Variants in ABHD2 observed in about 807,000 individuals in gnomAD.
ABHD2 encodes monoacylglycerol lipase ABHD2.
Under a neutral mutation model 48.1 loss-of-function variants are expected in ABHD2, and 20 were observed. The observed-to-expected ratio is 0.42, with a 90% CI of 0.29 to 0.60. The LOEUF is 0.60. Among genes scored for constraint, ABHD2 ranks in the 20% least tolerant of loss-of-function variants. The pLI, the probability that ABHD2 is intolerant of heterozygous loss-of-function variation, is 0.24. For missense variants in ABHD2, 405 were observed against 550.9 expected (o/e 0.74, Z 2.65); for synonymous variants, 209 against 214.2 (o/e 0.98, Z 0.21).
At chr15:89,071,853 A>G in the ABHD2 span, among the ~76,000 whole-genome samples, 1 of 152,236 alleles carries the variant, frequency 6.6e-6, no homozygotes, top group South Asian at 2.1e-4. Flanking sequence ...TCACTCCCTG[A>G]TGACAAACTT....
chr15:89,053,158 G>A, the ABHD2 span, among the ~76,000 whole-genome samples: 1 of 151,942 alleles, frequency 6.6e-6, no homozygotes, highest in Non-Finnish European at 1.5e-5. Flanking sequence ...AGTAGAGACG[G>A]GGTTTCACTG....
rs559985393 is a variant in ABHD2, at chr15:89,180,011, T to C, written c.722+4016T>C. On this transcript the variant is annotated intron_variant, in intron 6 of 10. Transcript: ENST00000352732. ...GAGATGAGTTTATGGCAAAAGCAAA[T>C]ATTATTCATAAAGTTTCCCCAGAGA... Among the ~76,000 whole-genome samples, 14 of 152,358 alleles carry C rather than the reference T, an allele frequency of 9.2e-5. No individual in the cohort carries two copies. In the South Asian group the frequency reaches 2.9e-3, roughly 32 times the overall value.
chr15:89,081,131 A>G, the ABHD2 span, among the ~76,000 whole-genome samples: 2 of 146,544 alleles, frequency 1.4e-5, 1 homozygote, highest in South Asian at 4.4e-4. Context: ...TCCCAAGTAG[A>G]TGGGACTACA....
In ABHD2 at chr15:89,195,152, C is replaced by T. The variant is rs573509402; in HGVS notation, c.1082-75C>T. 3 of 1,531,196 alleles carry T rather than the reference C, an allele frequency of 2.0e-6. No individual in the cohort carries two copies. The highest frequency in any genetic ancestry group is 2.6e-6 in the Non-Finnish European group (3 of 1,132,574). 94.9% of individuals were successfully genotyped at this position (1,531,196 alleles called of 1,614,324 possible). ...TGCGGGGACAGCCAGGCTACCCTAG[C>T]CAGCTCACCTCTGCACCTCCTGTCC... On this transcript the variant is annotated intron_variant, in intron 10 of 10. Coordinates refer to ENST00000352732, the MANE Select transcript of ABHD2 (RefSeq NM_152924.5). This position sits in a 1 kb window ranked among gnomAD's most constrained non-coding sequence, Gnocchi z 5.1.
chr15:89,158,354 T>C (rs1174011197), intron 5 of ABHD2, among the ~76,000 whole-genome samples: 3 of 152,240 alleles, frequency 2.0e-5, no homozygotes, highest in Admixed American at 1.3e-4. Flanking sequence ...TGGGTCTGTA[T>C]AGTCTAGGCC....
At chr15:89,113,044 C>A (rs1050550231) in intron 1 of ABHD2, among the ~76,000 whole-genome samples, 1 of 152,226 alleles carries the variant, frequency 6.6e-6, no homozygotes, top group Non-Finnish European at 1.5e-5. Flanking sequence ...CATGTTCTCT[C>A]TTTTGCTTCT....
At chr15:89,052,934 G>A in the ABHD2 span, among the ~76,000 whole-genome samples, 4,813 of 151,116 alleles carry the variant, frequency 0.032, 255 homozygotes, top group African/African-American at 0.11. Flanking sequence ...CTATGAAAAC[G>A]TAGTCCAGGA....
At position 89,137,124 on chromosome 15, in the gene ABHD2, G is replaced by T. The variant is rs2050327606; in HGVS notation, c.195-14553G>T. On this transcript the variant is annotated intron_variant, in intron 3 of 10. Coordinates refer to ENST00000352732, the MANE Select transcript of ABHD2 (RefSeq NM_152924.5). The surrounding 1 kb of genome is among the most constrained non-coding windows in gnomAD (Gnocchi z 4.8). ...AGGACCAGTTCTCTAACGGATCCAGGGTTCCAGTGGAACCCTGGAGACTGG... is the reference window on the plus strand; with the variant it reads ...AGGACCAGTTCTCTAACGGATCCAGTGTTCCAGTGGAACCCTGGAGACTGG... Among the ~76,000 whole-genome samples, 1 of 152,100 alleles carries T rather than the reference G, an allele frequency of 6.6e-6. No homozygotes were observed. The highest frequency in any genetic ancestry group is 6.5e-5 in the Admixed American group (1 of 15,272).
rs1046995189 is a variant in ABHD2 at position 89,104,333 on chromosome 15, A to C, written c.-106-9392A>C. On this transcript the variant is annotated intron_variant, in intron 1 of 10. Coordinates refer to ENST00000352732, the MANE Select transcript of ABHD2 (RefSeq NM_152924.5). This position sits in a 1 kb window ranked among gnomAD's most constrained non-coding sequence, Gnocchi z 4.4. ...GCCGAGCAAGTCTCTCCTTTGGCAA[A>C]ATCATCTGGGCTTGTTCTCATCCCT... is the stretch of plus-strand genomic sequence containing the variant. The C allele has an allele frequency of 6.6e-6, 1 of 152,182 alleles. No homozygotes were observed. Among genetic ancestry groups the C allele is most frequent in the African/African-American group, 2.4e-5 (1 of 41,438 alleles). The allele number at this position is 152,182 out of a possible 1,614,324, so 9.4% of individuals were successfully genotyped here.
the ABHD2 span, among the ~76,000 whole-genome samples, chr15:89,079,373 A>G: frequency 1.3e-5 from 2 of 152,194 alleles, no homozygotes; most frequent in Admixed American, 1.3e-4. The surrounding 1 kb of genome is among the most constrained non-coding windows in gnomAD (Gnocchi z 4.3). Context: ...CACAGATCCT[A>G]TGGTAACTTG....
intron 1 of ABHD2, among the ~76,000 whole-genome samples, chr15:89,099,096 C>T (rs183246063): frequency 2.6e-4 from 40 of 152,308 alleles, no homozygotes; most frequent in African/African-American, 8.4e-4. Context: ...TAACTCACAG[C>T]GGTTGTGAGC....
the ABHD2 span, among the ~76,000 whole-genome samples, chr15:89,069,724 G>C: frequency 9.6e-6 from 1 of 104,080 alleles, no homozygotes; most frequent in Non-Finnish European, 1.8e-5. Context: ...CTGTCACCCA[G>C]GCTGGAGTGC....
intron 3 of ABHD2, among the ~76,000 whole-genome samples, chr15:89,143,267 A>G (rs1433631888): frequency 6.6e-6 from 1 of 152,240 alleles, no homozygotes; most frequent in Non-Finnish European, 1.5e-5. Context: ...AATTTACCAC[A>G]TGCAGTTTTA....
At position 89,195,453 on chromosome 15, in the gene ABHD2, C is replaced by T. The variant is rs775246018; in HGVS notation, c.*30C>T. On this transcript the variant is annotated 3_prime_UTR_variant, in exon 11 of 11. Transcript: ENST00000352732. This position sits in a 1 kb window ranked among gnomAD's most constrained non-coding sequence, Gnocchi z 5.1. ...TCCGGACTCTGGCACGCTCCAGCAG[C>T]CCTCCTCTGGAAGCTGCGTCCCCTC... The T allele has an allele frequency of 7.5e-6, 12 of 1,603,244 alleles. No individual in the cohort carries two copies. The Admixed American group carries it at 1.5e-4, about 20-fold the overall frequency.
At position 89,167,557 on chromosome 15, in the gene ABHD2, C is replaced by T. The variant is rs901813226; in HGVS notation, c.539-8255C>T. On this transcript the variant is annotated intron_variant, in intron 5 of 10. Transcript: ENST00000352732. The surrounding 1 kb of genome is among the most constrained non-coding windows in gnomAD (Gnocchi z 5.5). The stretch of plus-strand genomic sequence containing the variant: ...GCACTTTCAGGATGATATCTGAATA[C>T]TTAAACCTTTAGCCATAAGAGGGCA... 1.7e-4 allele frequency among the ~76,000 whole-genome samples: 26 copies of T among 152,176 alleles called. No individual in the cohort carries two copies. The highest frequency in any genetic ancestry group is 5.6e-4 in the African/African-American group (23 of 41,428).
intron 3 of ABHD2, among the ~76,000 whole-genome samples, chr15:89,135,102 T>TAGA (rs1445394698): frequency 1.3e-5 from 2 of 151,364 alleles, no homozygotes; most frequent in African/African-American, 4.8e-5. Context: ...TGTATTTGCT[T>TAGA]AGAAGCATTC....
rs1475826493 is a variant in ABHD2, at chr15:89,151,593, G to C, written c.195-84G>C. The C allele has an allele frequency of 1.2e-5, 18 of 1,461,708 alleles. No homozygotes were observed. Among genetic ancestry groups the C allele is most frequent in the African/African-American group, 2.8e-5 (2 of 70,768 alleles). 90.5% of individuals were successfully genotyped at this position (1,461,708 alleles called of 1,614,324 possible). ...GCAGAATTTCCCTGGAACAAAAATAGGTTGAAAGAGTTTTGCTAAAAGATT... is the reference window on the plus strand; with the variant it reads ...GCAGAATTTCCCTGGAACAAAAATACGTTGAAAGAGTTTTGCTAAAAGATT... On this transcript the variant is annotated intron_variant, in intron 3 of 10. Transcript: ENST00000352732. The surrounding 1 kb of genome is among the most constrained non-coding windows in gnomAD (Gnocchi z 4.7).
chr15:89,116,411 G>A lies in ABHD2; in HGVS notation c.84G>A (p.Val28=). ...KLAAVAAVLY[V]IVRCLNLKSP... ...CTGCAGTGGCTGCTGTGCTGTACGT[G>A]ATCGTCCGGTGTTTGAACCTGAAGA... is the stretch of plus-strand genomic sequence containing the variant. The change falls in exon 3 of 11, where the codon GTG becomes GTA. Residue 28 remains valine (V), a synonymous_variant. Coordinates refer to ENST00000352732, the MANE Select transcript of ABHD2 (RefSeq NM_152924.5). The surrounding 1 kb of genome is among the most constrained non-coding windows in gnomAD (Gnocchi z 4.6). 6.2e-7 allele frequency: 1 copy of A among 1,614,222 alleles called. No homozygotes were observed. Among genetic ancestry groups the A allele is most frequent in the Non-Finnish European group, 8.5e-7 (1 of 1,180,030 alleles).
the ABHD2 span, among the ~76,000 whole-genome samples, chr15:89,076,640 T>C: frequency 6.6e-6 from 1 of 152,046 alleles, no homozygotes; most frequent in Admixed American, 6.6e-5. Flanking sequence ...CATGCCACCA[T>C]GTCCAGCTAC....
Sources: gnomAD v4.1 joint callset for allele counts (sites outside exome capture counted in the v4.1 genomes callset) on GRCh38, gnomAD v4.1.1 for gene constraint, Gnocchi (gnomAD v3.1) non-coding constraint, MANE v1.5 for transcripts, NCBI Gene and HGNC (gene_info 2026-07-23, HGNC 2026-07-21) for gene names.